Variants in GMEB1 observed in about 807,000 individuals in gnomAD.
GMEB1 encodes the protein glucocorticoid modulatory element binding protein 1, also known as glucocorticoid modulatory element-binding protein 1.
Under a neutral mutation model 52.4 loss-of-function variants are expected in GMEB1, and 6 were observed. The observed-to-expected ratio is 0.11, with a 90% CI of 0.06 to 0.23. The LOEUF (loss-of-function observed/expected upper bound fraction) is 0.23. GMEB1 is among the 10% of genes least tolerant of loss of function. The pLI is 1.00. For synonymous variants in GMEB1, 255 were observed against 244.9 expected, an observed-to-expected ratio of 1.04 and a Z score of -0.38; for missense variants, 486 against 685.6, an observed-to-expected ratio of 0.71 and a Z score of 3.25.
chr1:28,705,100 A>C (rs945395092), intron 8 of GMEB1, among the ~76,000 whole-genome samples: 4 of 151,104 alleles, frequency 2.6e-5, no homozygotes, highest in South Asian at 4.2e-4. Context: ...AAAAAAAAAA[A>C]AACACAGGCC....
rs1671179364 is a variant in GMEB1, at chr1:28,714,075, T to C, written c.994T>C (p.Leu332=). Residue 332 remains leucine (L), a splice_region_variant and synonymous_variant, in exon 10 of 10, where the codon TTG becomes CTG. Coordinates refer to ENST00000373816, the MANE Select transcript of GMEB1 (RefSeq NM_001319674.2). ...AAGTCTTTTCTTTTTTTCCATAGACTTGGAACGCCAGTTGGAGGAGCAGAA... is the reference window on the plus strand; with the variant it reads ...AAGTCTTTTCTTTTTTTCCATAGACCTGGAACGCCAGTTGGAGGAGCAGAA... ...EEQFLYTLTD[L]ERQLEEQKKQ... is the part of the protein sequence containing the mutation. 1 of 1,606,532 alleles carries C rather than the reference T, an allele frequency of 6.2e-7. No individual in the cohort carries two copies. Among genetic ancestry groups the C allele is most frequent in the African/African-American group, 1.3e-5 (1 of 74,650 alleles).
intron 1 of GMEB1, among the ~76,000 whole-genome samples, chr1:28,673,960 A>G (rs1370087564): frequency 1.3e-5 from 2 of 151,948 alleles, no homozygotes; most frequent in Non-Finnish European, 2.9e-5. Flanking sequence ...AGCCTGGCCA[A>G]CATGATGAAA....
intron 2 of GMEB1, among the ~76,000 whole-genome samples, chr1:28,687,051 A>G (rs1207586540): frequency 2.0e-5 from 3 of 151,962 alleles, no homozygotes; most frequent in African/African-American, 7.2e-5. Flanking sequence ...AAAGACAGAT[A>G]GGAGATTGGT....
chr1:28,708,452 C>T (rs1456924238), intron 8 of GMEB1, among the ~76,000 whole-genome samples: 2 of 151,444 alleles, frequency 1.3e-5, no homozygotes, highest in East Asian at 3.9e-4. Flanking sequence ...GCATGAGCCA[C>T]CGTGCCTGGC....
intron 1 of GMEB1, among the ~76,000 whole-genome samples, chr1:28,680,893 A>G (rs965946868): frequency 2.0e-5 from 3 of 151,810 alleles, no homozygotes; most frequent in African/African-American, 7.3e-5. Flanking sequence ...AAAATATAAA[A>G]ATTAGCTGGA....
chr1:28,710,581 T>A lies in GMEB1; in HGVS notation c.930T>A (p.Val310=), dbSNP rs765373586. 44 of 1,610,946 alleles carry A rather than the reference T, an allele frequency of 2.7e-5. No homozygotes were observed. The South Asian group carries it at 4.9e-4, about 18-fold the overall frequency. ...TFGLMDTVKK[V]LDNRRNQVEQ... is the part of the protein sequence containing the mutation. ...GCCTAATGGACACAGTCAAGAAGGT[T>A]TTAGACAACAGAAGGAACCAAGTAG... Residue 310 remains valine (V), a synonymous_variant, in exon 9 of 10, where the codon GTT becomes GTA. Transcript: ENST00000373816.
chr1:28,701,781 G>A (rs1340933009), intron 6 of GMEB1, among the ~76,000 whole-genome samples: 1 of 151,668 alleles, frequency 6.6e-6, no homozygotes, highest in African/African-American at 2.4e-5. Context: ...GCTGGCCTCA[G>A]ACTCCTGGAC....
intron 9 of GMEB1, among the ~76,000 whole-genome samples, chr1:28,711,715 A>T (rs1671070037): frequency 6.6e-6 from 1 of 152,194 alleles, no homozygotes; most frequent in African/African-American, 2.4e-5. Flanking sequence ...TCAGCCTCCC[A>T]AAGTGCTGGG....
At chr1:28,675,291 A>G (rs1669099678) in intron 1 of GMEB1, among the ~76,000 whole-genome samples, 1 of 150,902 alleles carries the variant, frequency 6.6e-6, no homozygotes, top group South Asian at 2.2e-4. Flanking sequence ...TGCTGGGATT[A>G]CAGGCGTGAG....
intron 1 of GMEB1, among the ~76,000 whole-genome samples, chr1:28,674,809 C>T (rs1475286927): frequency 7.1e-6 from 1 of 141,766 alleles, no homozygotes; most frequent in Non-Finnish European, 1.5e-5. Flanking sequence ...AGCTCCGCCT[C>T]CCGGGTTCAC....
chr1:28,697,917 A>T (rs1670303590), intron 6 of GMEB1, among the ~76,000 whole-genome samples: 1 of 152,132 alleles, frequency 6.6e-6, no homozygotes, highest in Non-Finnish European at 1.5e-5. Context: ...AGGCAGGCGG[A>T]TCACGAGGTC....
rs1286795499 is a variant in GMEB1, at chr1:28,683,490, A to G, written c.-30-93A>G. On this transcript the variant is annotated intron_variant, in intron 1 of 9. Transcript: ENST00000373816. ...TCCGCCTGCCTAGCTAGGCCTCCCA[A>G]AGTGCTGGGATTCCAGGCGTGAGCC... 4.6e-6 allele frequency: 5 copies of G among 1,085,540 alleles called. No individual in the cohort carries two copies. The African/African-American group carries it at 6.4e-5, about 14-fold the overall frequency. The allele number at this position is 1,085,540 out of a possible 1,614,324, so 67.2% of individuals were successfully genotyped here.
chr1:28,676,553 C>T (rs1669158257), intron 1 of GMEB1, among the ~76,000 whole-genome samples: 1 of 152,004 alleles, frequency 6.6e-6, no homozygotes, highest in Admixed American at 6.6e-5. Context: ...CGGTGAAACC[C>T]TGTCTCTACT....
chr1:28,689,116 C>T (rs1230650363), intron 2 of GMEB1, among the ~76,000 whole-genome samples: 1 of 151,904 alleles, frequency 6.6e-6, no homozygotes, highest in African/African-American at 2.4e-5. Flanking sequence ...TGTCGAACTC[C>T]ACACCTCGTG....
intron 8 of GMEB1, among the ~76,000 whole-genome samples, chr1:28,709,133 CAAA>C (rs33947165): frequency 1.7e-5 from 2 of 120,618 alleles, no homozygotes; most frequent in African/African-American, 3.2e-5. Flanking sequence ...GACTCCATCT[CAAA>C]AAAAAAAAAA....
At position 28,711,504 on chromosome 1, in the gene GMEB1, A is replaced by G. The variant is rs1206218563; in HGVS notation, c.991+862A>G. Among the ~76,000 whole-genome samples the G allele has an allele frequency of 5.9e-5, 9 of 152,128 alleles. 1 individual carries two copies. In the East Asian group the frequency reaches 1.7e-3, roughly 29 times the overall value. ...GGTCTCACTCTGTCACTGAGGCTGG[A>G]GTGCAGTGGCACAATCACGGCTCAC... is the stretch of plus-strand genomic sequence containing the variant. On this transcript the variant is annotated intron_variant, in intron 9 of 9. Coordinates refer to ENST00000373816, the MANE Select transcript of GMEB1 (RefSeq NM_001319674.2).
At chr1:28,699,194 GA>G (rs1489992176) in intron 6 of GMEB1, among the ~76,000 whole-genome samples, 3 of 152,126 alleles carry the variant, frequency 2.0e-5, no homozygotes, top group African/African-American at 7.2e-5. Flanking sequence ...AGATGAAACA[GA>G]TGAGCACACT....
At chr1:28,679,959 C>T (rs1669322873) in intron 1 of GMEB1, among the ~76,000 whole-genome samples, 1 of 152,138 alleles carries the variant, frequency 6.6e-6, no homozygotes, top group South Asian at 2.1e-4. Flanking sequence ...GCAAGCGCCA[C>T]CACGCCTGGC....
Position 28,714,705 on chromosome 1 carries a change from G to A in GMEB1, c.1624G>A (p.Val542Ile). 1.2e-6 allele frequency: 2 copies of A among 1,614,194 alleles called. No individual in the cohort carries two copies. The highest frequency in any genetic ancestry group is 1.6e-4 in the Middle Eastern group (1 of 6,062). ...GACAGAGCTGAGGACTGAGGAGAAA[G>A]TTGTGGCTGAGATGGAAGAACACCA... ...LETELRTEEK[V>I]VAEMEEHQHQ... is the part of the protein sequence containing the mutation. The change falls in exon 10 of 10, where the codon GTT (valine) becomes ATT (isoleucine). Residue 542 changes from valine (V) to isoleucine (I), a missense_variant. By Grantham distance (29) the Val-to-Ile change is conservative. Transcript: ENST00000373816.
Sources: allele counts gnomAD v4.1 joint callset (sites outside exome capture counted in the v4.1 genomes callset), GRCh38; gene constraint gnomAD v4.1.1; transcripts MANE v1.5; gene names NCBI Gene and HGNC (gene_info 2026-07-23, HGNC 2026-07-21).